Variants in CBFA2T2 observed in about 807,000 individuals in gnomAD.
The protein encoded by CBFA2T2 is CBFA2/RUNX1 partner transcriptional co-repressor 2, also known as protein CBFA2T2.
CBFA2T2 carries 11 observed loss-of-function variants against 62.2 expected under a neutral mutation model. That is an observed-to-expected ratio of 0.18 (90% CI 0.11 to 0.29). The LOEUF (loss-of-function observed/expected upper bound fraction) is 0.29, where lower values mean the gene tolerates loss of function less well. Among genes scored for constraint, CBFA2T2 ranks in the 10% least tolerant of loss-of-function variants. CBFA2T2 has a pLI of 1.00. For synonymous variants in CBFA2T2, 295 were observed against 287.5 expected (o/e 1.03, Z -0.27); for missense variants, 592 against 774.1 (o/e 0.76, Z 2.79).
At chr20:33,563,988 T>C (rs577481645) in intron 1 of CBFA2T2, among the ~76,000 whole-genome samples, 1 of 152,290 alleles carries the variant, frequency 6.6e-6, no homozygotes, top group East Asian at 1.9e-4. Flanking sequence ...AGTGAGGTAC[T>C]GAATTGTACT....
intron 4 of CBFA2T2, 28 bp from the exon 5 acceptor site, chr20:33,623,087 A>G (rs776393024): frequency 1.9e-6 from 3 of 1,613,340 alleles, no homozygotes; most frequent in Non-Finnish European, 2.5e-6. Context: ...AGGGCCTAAC[A>G]CTGGAAAAAC....
rs11907100 is a variant in CBFA2T2, at chr20:33,552,226, G to A, written c.35-54730G>A. ...ATAAATTGGAAAATTAGAATATCTTGTTTGTGGAGAGCATTTTCAGGTTAT... is the reference window on the plus strand; with the variant it reads ...ATAAATTGGAAAATTAGAATATCTTATTTGTGGAGAGCATTTTCAGGTTAT... On this transcript the variant is annotated intron_variant, in intron 1 of 10. Transcript: ENST00000342704. 7.7e-3 allele frequency among the ~76,000 whole-genome samples: 1,165 copies of A among 152,234 alleles called. 9 individuals are homozygous for A. The highest frequency in any genetic ancestry group is 0.026 in the African/African-American group (1,090 of 41,536).
At position 33,633,363 on chromosome 20, in the gene CBFA2T2, T is replaced by A. The variant is rs114423014; in HGVS notation, c.1229-3277T>A. ...TCCAGCCTGAGCAACACAGTGAGAC[T>A]CTGTCGCAAAAAAAAAATAAATAAA... On this transcript the variant is annotated intron_variant, in intron 8 of 10. Transcript: ENST00000342704. 5.4e-3 allele frequency among the ~76,000 whole-genome samples: 727 copies of A among 135,208 alleles called. 8 individuals are homozygous for A. The highest frequency in any genetic ancestry group is 0.021 in the African/African-American group (670 of 31,476). 88.7% of individuals were successfully genotyped at this position (135,208 alleles called of 152,430 possible).
In CBFA2T2 at chr20:33,626,791, T is replaced by C. The variant is rs972249563; in HGVS notation, c.947-1559T>C. ...CCCCTGGCATCATGTAGTGGGATAG[T>C]AGCTGAATAGGGAAGGCTGTAGCAG... On this transcript the variant is annotated intron_variant, in intron 6 of 10. Coordinates refer to ENST00000342704, the MANE Select transcript of CBFA2T2 (RefSeq NM_001032999.3). Among the ~76,000 whole-genome samples, 4 of 152,172 alleles carry C rather than the reference T, an allele frequency of 2.6e-5. No individual in the cohort carries two copies. In the South Asian group the frequency reaches 6.2e-4, roughly 24 times the overall value.
At chr20:33,641,347 A>G (rs1485023010) in intron 10 of CBFA2T2, among the ~76,000 whole-genome samples, 1 of 152,146 alleles carries the variant, frequency 6.6e-6, no homozygotes, top group Non-Finnish European at 1.5e-5. Context: ...ATTGTCCAGG[A>G]CCCAGGATCC....
At chr20:33,605,776 A>G (rs2015318347) in intron 1 of CBFA2T2, among the ~76,000 whole-genome samples, 1 of 151,576 alleles carries the variant, frequency 6.6e-6, no homozygotes, top group Admixed American at 6.6e-5. Flanking sequence ...TTCCTACTTG[A>G]TGTAGTTGAT....
At chr20:33,503,007 C>T (rs2011318887) in intron 1 of CBFA2T2, among the ~76,000 whole-genome samples, 1 of 131,254 alleles carries the variant, frequency 7.6e-6, no homozygotes, top group African/African-American at 2.8e-5. Context: ...AGGAGAATGG[C>T]GTGAACCCGG....
At position 33,621,287 on chromosome 20, in the gene CBFA2T2, C is replaced by CTTTTTTTT. The variant is rs199805350; in HGVS notation, c.510+1700_510+1707dup. Among the ~76,000 whole-genome samples, 168 of 85,292 alleles carry CTTTTTTTT rather than the reference C, an allele frequency of 2.0e-3. 21 individuals are homozygous for CTTTTTTTT. The highest frequency in any genetic ancestry group is 0.018 in the East Asian group (44 of 2,416). The allele number at this position is 85,292 out of a possible 152,430, so 56.0% of individuals were successfully genotyped here. On this transcript the variant is annotated intron_variant, in intron 4 of 10. Coordinates refer to ENST00000342704, the MANE Select transcript of CBFA2T2 (RefSeq NM_001032999.3). ...TCTATAATACCTTTAATTTTACTGC[C>CTTTTTTTT]TTTTTTTTTTTTTTTTTTTTTTTTT...
intron 1 of CBFA2T2, among the ~76,000 whole-genome samples, chr20:33,586,143 TATC>T (rs2014359036): frequency 6.6e-6 from 1 of 152,210 alleles, no homozygotes; most frequent in Admixed American, 6.5e-5. Context: ...TTGTGATTAT[TATC>T]ATTATTATCA....
chr20:33,624,955 T>G lies in CBFA2T2; in HGVS notation c.884T>G (p.Leu295Arg), dbSNP rs1216711058. ...TTAGAGGATATTGCAACTTCTCACC[T>G]GTATCGGGAACCCAACAAGATGCTA... Reference protein sequence around the residue: ...YTLEDIATSHLYREPNKMLEH... With the variant: ...YTLEDIATSHRYREPNKMLEH... Residue 295 changes from leucine to arginine, a missense_variant, in exon 6 of 11, where the codon CTG (leucine) becomes CGG (arginine). Leu to Arg is a moderately radical substitution (Grantham distance 102). Transcript: ENST00000342704. 6.2e-7 allele frequency: 1 copy of G among 1,614,138 alleles called. No individual in the cohort carries two copies. Among genetic ancestry groups the G allele is most frequent in the Admixed American group, 1.7e-5 (1 of 60,020 alleles).
intron 1 of CBFA2T2, among the ~76,000 whole-genome samples, chr20:33,507,900 T>A (rs758902582): frequency 3.9e-5 from 6 of 152,132 alleles, no homozygotes; most frequent in South Asian, 2.1e-4. Flanking sequence ...TGGAGAGGTA[T>A]ATCAGCTTTT....
intron 1 of CBFA2T2, among the ~76,000 whole-genome samples, chr20:33,527,995 G>C (rs981943930): frequency 2.0e-5 from 3 of 152,104 alleles, no homozygotes; most frequent in African/African-American, 7.2e-5. Flanking sequence ...GAACAGTTGG[G>C]ATTGCAGGCT....
intron 1 of CBFA2T2, among the ~76,000 whole-genome samples, chr20:33,581,715 G>A (rs1455717293): frequency 1.3e-5 from 2 of 152,202 alleles, no homozygotes; most frequent in Non-Finnish European, 1.5e-5. Flanking sequence ...ATTAGTTCTT[G>A]TGAGAGATTC....
intron 1 of CBFA2T2, among the ~76,000 whole-genome samples, chr20:33,532,430 C>T (rs2012087781): frequency 6.6e-6 from 1 of 152,192 alleles, no homozygotes; most frequent in Admixed American, 6.6e-5. Flanking sequence ...ACCCGATCTA[C>T]TAGCTCTTTT....
At chr20:33,571,785 C>G (rs1308714161) in intron 1 of CBFA2T2, among the ~76,000 whole-genome samples, 1 of 152,120 alleles carries the variant, frequency 6.6e-6, no homozygotes, top group Non-Finnish European at 1.5e-5. Flanking sequence ...TTTATTTCAC[C>G]TTTACTTGAA....
chr20:33,515,878 A>G (rs532684386), intron 1 of CBFA2T2, among the ~76,000 whole-genome samples: 1 of 151,954 alleles, frequency 6.6e-6, no homozygotes, highest in East Asian at 1.9e-4. Flanking sequence ...CAAAAATTAC[A>G]GTGTCGAGAA....
intron 1 of CBFA2T2, among the ~76,000 whole-genome samples, chr20:33,560,749 A>ATG (rs1445720313): frequency 6.6e-6 from 1 of 152,156 alleles, no homozygotes; most frequent in Non-Finnish European, 1.5e-5. Context: ...GACTATATAT[A>ATG]TATATATGCA....
chr20:33,556,191 C>G (rs944279596), intron 1 of CBFA2T2, among the ~76,000 whole-genome samples: 2 of 152,194 alleles, frequency 1.3e-5, no homozygotes, highest in African/African-American at 4.8e-5. Flanking sequence ...TAAAACAGTT[C>G]TTCAGCCTGC....
intron 2 of CBFA2T2, among the ~76,000 whole-genome samples, chr20:33,608,630 A>G (rs1194622226): frequency 6.6e-6 from 1 of 152,210 alleles, no homozygotes; most frequent in Non-Finnish European, 1.5e-5. Flanking sequence ...TCTTGAAAAG[A>G]AACAGATTTA....
Sources: gnomAD v4.1 joint callset for allele counts (sites outside exome capture counted in the v4.1 genomes callset) on GRCh38, gnomAD v4.1.1 for gene constraint, MANE v1.5 for transcripts, NCBI Gene and HGNC (gene_info 2026-07-23, HGNC 2026-07-21) for gene names.